The following MRPS2 variants were observed in gnomAD, a reference collection of about 807,000 sequenced individuals.
MRPS2 encodes mitochondrial ribosomal protein S2.
Under a neutral mutation model 18.9 loss-of-function variants are expected in MRPS2, and 13 were observed. The observed-to-expected ratio is 0.69, with a 90% CI of 0.45 to 1.09. The LOEUF (loss-of-function observed/expected upper bound fraction) is 1.09. Among genes scored for constraint, MRPS2 ranks in the 50% least tolerant of loss-of-function variants. MRPS2 has a pLI of 0.00. For synonymous variants in MRPS2, 186 were observed against 178.4 expected, an observed-to-expected ratio of 1.04 and a Z score of -0.34; for missense variants, 389 against 421.7, an observed-to-expected ratio of 0.92 and a Z score of 0.68.
At position 135,500,759 on chromosome 9, in the gene MRPS2, C is replaced by T; in HGVS notation, c.43+6C>T. The T allele has an allele frequency of 6.8e-7, 1 of 1,476,456 alleles. No homozygotes were observed. The highest frequency in any genetic ancestry group is 8.9e-7 in the Non-Finnish European group (1 of 1,120,606). 91.5% of individuals were successfully genotyped at this position (1,476,456 alleles called of 1,614,324 possible). A position where few individuals can be genotyped will look rare whatever the true frequency, so the allele number is the denominator to read the frequency against. On this transcript the variant is annotated splice_donor_region_variant and intron_variant, in intron 1 of 3. Coordinates refer to ENST00000241600, the MANE Select transcript of MRPS2 (RefSeq NM_016034.5). ...GCCCCGAATACTCGGCGCGGGTGAG[C>T]GCGCGCTTGCGGGACCCTGGGGAGG...
intron 2 of MRPS2, chr9:135,501,623 G>A (rs959634256): frequency 5.1e-6 from 7 of 1,369,916 alleles, no homozygotes; most frequent in African/African-American, 4.4e-5. Context: ...GTTCGACCAG[G>A]CTTACCCAGG....
chr9:135,503,468 G>A (rs1831198659), intron 3 of MRPS2, 74 bp from the exon 4 acceptor site: 7 of 1,484,802 alleles, frequency 4.7e-6, no homozygotes, highest in South Asian at 2.7e-5. Context: ...GTGGGCGTCT[G>A]TGTTCCTGCA....
rs1338725832 is a variant in MRPS2 at position 135,500,910 on chromosome 9, A to G, written c.44-88A>G. 8 of 1,583,438 alleles carry G rather than the reference A, an allele frequency of 5.1e-6. No homozygotes were observed. In the South Asian group the frequency reaches 8.9e-5, roughly 18 times the overall value. ...GGGACGCGGAGGGGACCCGTTAGGG[A>G]CGCGGAGGGGCCCGTTGGGGATGCG... On this transcript the variant is annotated intron_variant, in intron 1 of 3. Coordinates refer to ENST00000241600, the MANE Select transcript of MRPS2 (RefSeq NM_016034.5).
rs990370017 is a variant in MRPS2, at chr9:135,501,666, C to G, written c.170-178C>G. The G allele has an allele frequency of 7.7e-6, 11 of 1,421,348 alleles. No homozygotes were observed. The South Asian group carries it at 8.9e-5, about 11-fold the overall frequency. 88.0% of individuals were successfully genotyped at this position (1,421,348 alleles called of 1,614,324 possible). Reference sequence around the variant, plus strand: ...TCGGGATCAGAACCTGGCTCCAGCCCTCTGTTTCCTGAAAAGGTCCCTGTG... The same window carrying G: ...TCGGGATCAGAACCTGGCTCCAGCCGTCTGTTTCCTGAAAAGGTCCCTGTG... On this transcript the variant is annotated intron_variant, in intron 2 of 3. Transcript: ENST00000241600.
intron 3 of MRPS2, 102 bp from the exon 4 acceptor site, chr9:135,503,440 G>A: frequency 1.4e-6 from 2 of 1,402,170 alleles, no homozygotes; most frequent in Non-Finnish European, 1.9e-6. Context: ...CCCCCACAGA[G>A]GAGCCCGGGA....
chr9:135,502,016 G>A (rs1564219716), intron 3 of MRPS2, 43 bp downstream of exon 3: 1 of 1,611,830 alleles, frequency 6.2e-7, no homozygotes, highest in Non-Finnish European at 8.5e-7. Flanking sequence ...TTCCCAGGAG[G>A]AACCTGGGAC....
At chr9:135,502,935 G>T (rs969450926) in intron 3 of MRPS2, among the ~76,000 whole-genome samples, 1 of 152,178 alleles carries the variant, frequency 6.6e-6, no homozygotes, top group African/African-American at 2.4e-5. Flanking sequence ...GGAAGGGACA[G>T]AACCCAGTGG....
At chr9:135,502,100 C>T in intron 3 of MRPS2, 127 bp downstream of exon 3, 1 of 1,500,622 alleles carries the variant, frequency 6.7e-7, no homozygotes, top group African/African-American at 1.4e-5. Context: ...TCCTCCTCCA[C>T]ATGGGAATAC....
chr9:135,502,026 C>T (rs1233909376), intron 3 of MRPS2, 53 bp downstream of exon 3: 2 of 1,610,508 alleles, frequency 1.2e-6, no homozygotes, highest in African/African-American at 1.3e-5. Context: ...GAACCTGGGA[C>T]CTGCTCTGGT....
intron 3 of MRPS2, chr9:135,502,179 G>A (rs1831162180): frequency 2.2e-6 from 3 of 1,379,262 alleles, no homozygotes; most frequent in South Asian, 1.5e-5. Flanking sequence ...TTGGTGTGGC[G>A]CTCACAGCCC....
intron 3 of MRPS2, chr9:135,503,111 T>C: frequency 9.7e-7 from 1 of 1,028,432 alleles, no homozygotes. Context: ...ACTCCTGCCC[T>C]GATCCCTTAA....
At chr9:135,500,847 A>T in intron 1 of MRPS2, 94 bp downstream of exon 1, 2 of 1,487,436 alleles carry the variant, frequency 1.3e-6, no homozygotes, top group East Asian at 2.5e-5. Context: ...CGTGGAGGGG[A>T]CCCGGGGCGA....
Position 135,500,967 on chromosome 9 carries a change from G to T in MRPS2, c.44-31G>T, listed in dbSNP as rs556871767. On this transcript the variant is annotated intron_variant, in intron 1 of 3. Transcript: ENST00000241600. Reference sequence around the variant, plus strand: ...AGCGGGCGTGGTGCATTCGGGACTCGGCGCCAGGACCTCTATCTACTTCCC... The same window carrying T: ...AGCGGGCGTGGTGCATTCGGGACTCTGCGCCAGGACCTCTATCTACTTCCC... 1.9e-5 allele frequency: 31 copies of T among 1,610,730 alleles called. No homozygotes were observed. The Middle Eastern group carries it at 4.6e-3, about 241-fold the overall frequency.
intron 3 of MRPS2, chr9:135,502,305 G>C (rs973445775): frequency 1.8e-6 from 2 of 1,124,638 alleles, no homozygotes; most frequent in African/African-American, 1.6e-5. Context: ...TCTGGGCTGC[G>C]GGGAGGAGGA....
In MRPS2 at chr9:135,500,784, G is replaced by A. The variant is rs772870492; in HGVS notation, c.43+31G>A. The A allele has an allele frequency of 7.4e-5, 110 of 1,486,590 alleles. No homozygotes were observed. The Admixed American group carries it at 2.4e-3, about 32-fold the overall frequency. 92.1% of individuals were successfully genotyped at this position (1,486,590 alleles called of 1,614,324 possible). A position where few individuals can be genotyped will look rare whatever the true frequency, so the allele number is the denominator to read the frequency against. Reference sequence around the variant, plus strand: ...CGCGCGCTTGCGGGACCCTGGGGAGGAGCATGCGAGGAGGATGCGGAGGGG... The same window carrying A: ...CGCGCGCTTGCGGGACCCTGGGGAGAAGCATGCGAGGAGGATGCGGAGGGG... On this transcript the variant is annotated intron_variant, in intron 1 of 3. Coordinates refer to ENST00000241600, the MANE Select transcript of MRPS2 (RefSeq NM_016034.5).
rs1489984929 is a variant in MRPS2, at chr9:135,501,134, G to A, written c.169+11G>A. On this transcript the variant is annotated intron_variant, in intron 2 of 3. Transcript: ENST00000241600. Reference sequence around the variant, plus strand: ...CGGAGGACAGCACCGGTAACACTGGGCGCCCAGCCGAGTTGGGTGGGAACG... The same window carrying A: ...CGGAGGACAGCACCGGTAACACTGGACGCCCAGCCGAGTTGGGTGGGAACG... 1 of 1,577,748 alleles carries A rather than the reference G, an allele frequency of 6.3e-7. No individual in the cohort carries two copies. The highest frequency in any genetic ancestry group is 8.6e-7 in the Non-Finnish European group (1 of 1,165,614).
chr9:135,500,508 C>A (rs57030792), upstream of MRPS2: 1,753 of 507,358 alleles, frequency 3.5e-3, 32 homozygotes, highest in African/African-American at 0.031. Flanking sequence ...CTCCACTCCC[C>A]GCCCGAGACT....
chr9:135,500,011 G>T (rs568442943), upstream of MRPS2: 1,187 of 808,664 alleles, frequency 1.5e-3, 5 homozygotes, highest in Admixed American at 1.9e-3. Flanking sequence ...CCCAAGGGCC[G>T]GGAAGGTCGG....
In MRPS2 at chr9:135,501,474, G is replaced by C. The variant is rs1249435054; in HGVS notation, c.169+351G>C. On this transcript the variant is annotated intron_variant, in intron 2 of 3. Coordinates refer to ENST00000241600, the MANE Select transcript of MRPS2 (RefSeq NM_016034.5). Reference sequence around the variant, plus strand: ...GGGCTTGGAGTCTGCCCACCTTGCTGGACTCCTGATGGGGACTTTCTGGCT... The same window carrying C: ...GGGCTTGGAGTCTGCCCACCTTGCTCGACTCCTGATGGGGACTTTCTGGCT... The C allele has an allele frequency of 3.3e-6, 3 of 920,516 alleles. No homozygotes were observed. The East Asian group carries it at 1.3e-4, about 40-fold the overall frequency. The allele number at this position is 920,516 out of a possible 1,614,324, so 57.0% of individuals were successfully genotyped here.
Sources: gnomAD v4.1 joint callset for allele counts (sites outside exome capture counted in the v4.1 genomes callset) on GRCh38, gnomAD v4.1.1 for gene constraint, MANE v1.5 for transcripts, NCBI Gene and HGNC (gene_info 2026-07-23, HGNC 2026-07-21) for gene names.